Variants in AP3S1 observed in about 807,000 individuals in gnomAD.
AP3S1 encodes the protein AP-3 complex subunit sigma-1.
In AP3S1, 12 loss-of-function variants were observed where a neutral mutation model predicts 21.3. The ratio of observed to expected loss-of-function variants is 0.56; its 90% confidence interval spans 0.36 to 0.91. The LOEUF (loss-of-function observed/expected upper bound fraction) is 0.91, where lower values mean the gene tolerates loss of function less well. AP3S1 is among the 40% of genes least tolerant of loss of function. The pLI is 0.01. For synonymous variants in AP3S1, 48 were observed against 78.4 expected (o/e 0.61, Z 2.05); for missense variants, 116 against 225.0 (o/e 0.52, Z 3.10).
chr5:115,876,909 A>G (rs1357512337), intron 3 of AP3S1, among the ~76,000 whole-genome samples: 1 of 152,180 alleles, frequency 6.6e-6, no homozygotes, highest in African/African-American at 2.4e-5. Flanking sequence ...TACTTGTGAT[A>G]TTTGTGATGA....
chr5:115,870,239 T>C, intron 3 of AP3S1, 111 bp downstream of exon 3: 1 of 645,298 alleles, frequency 1.5e-6, no homozygotes, highest in Non-Finnish European at 2.6e-6. Flanking sequence ...AATAAAGCAT[T>C]TCATAATAGA....
intron 5 of AP3S1, 76 bp downstream of exon 5, chr5:115,903,068 G>C (rs1012228518): frequency 2.1e-5 from 23 of 1,118,862 alleles, no homozygotes; most frequent in Non-Finnish European, 2.6e-5. Context: ...AGTTTTCACT[G>C]TTTGTCCTTC....
intron 3 of AP3S1, among the ~76,000 whole-genome samples, chr5:115,884,837 T>A (rs1749639708): frequency 1.3e-5 from 2 of 152,190 alleles, no homozygotes; most frequent in South Asian, 4.1e-4. Flanking sequence ...TCCTAGTTTC[T>A]GAGGTTATTA....
Position 115,895,156 on chromosome 5 carries a change from A to C in AP3S1, c.343A>C (p.Lys115Gln). The C allele has an allele frequency of 6.2e-7, 1 of 1,600,914 alleles. No homozygotes were observed. The highest frequency in any genetic ancestry group is 8.5e-7 in the Non-Finnish European group (1 of 1,172,578). The change falls in exon 4 of 6, where the codon AAG (lysine) becomes CAG (glutamine). Residue 115 changes from lysine to glutamine, a missense_variant and splice_region_variant. By Grantham distance (53) the Lys-to-Gln change is moderately conservative. Coordinates refer to ENST00000316788, the MANE Select transcript of AP3S1 (RefSeq NM_001284.4). ...CELDLIFHVDKVHNILAEMVM... is the reference protein window; with the variant it reads ...CELDLIFHVDQVHNILAEMVM... Reference sequence around the variant, plus strand: ...GCTGGATTTGATTTTCCATGTAGACAAGGTACTATTTGTATTGTCACATCT... The same window carrying C: ...GCTGGATTTGATTTTCCATGTAGACCAGGTACTATTTGTATTGTCACATCT...
intron 5 of AP3S1, chr5:115,906,743 C>T (rs1751686726): frequency 6.2e-6 from 7 of 1,128,594 alleles, no homozygotes; most frequent in Non-Finnish European, 7.3e-6. Flanking sequence ...AATTTAGTCA[C>T]TACTTTTTGA....
chr5:115,911,117 A>G (rs929960267), intron 5 of AP3S1, among the ~76,000 whole-genome samples: 1 of 152,160 alleles, frequency 6.6e-6, no homozygotes, highest in Non-Finnish European at 1.5e-5. Flanking sequence ...TTAGCAGCCA[A>G]CAGTCGACAC....
chr5:115,856,730 T>A (rs1267116668), intron 1 of AP3S1, among the ~76,000 whole-genome samples: 2 of 152,206 alleles, frequency 1.3e-5, no homozygotes, highest in African/African-American at 4.8e-5. Flanking sequence ...GGCCTCGGCC[T>A]CCCAAAGTGC....
chr5:115,905,928 ATCTGCTCACCTGAGG>A (rs1402760280), intron 5 of AP3S1, among the ~76,000 whole-genome samples: 4 of 152,120 alleles, frequency 2.6e-5, no homozygotes, highest in Non-Finnish European at 5.9e-5. Flanking sequence ...CACTCAGGTG[ATCTGCTCACCTGAGG>A]TCAGGAGTTT....
At chr5:115,874,328 T>G (rs1402137079) in intron 3 of AP3S1, among the ~76,000 whole-genome samples, 1 of 152,116 alleles carries the variant, frequency 6.6e-6, no homozygotes, top group Non-Finnish European at 1.5e-5. Flanking sequence ...ATTGGAAGTG[T>G]TAAAATATTT....
At chr5:115,876,883 T>C (rs2112859102) in intron 3 of AP3S1, among the ~76,000 whole-genome samples, 1 of 152,318 alleles carries the variant, frequency 6.6e-6, no homozygotes, top group East Asian at 1.9e-4. Flanking sequence ...AGGTATATGA[T>C]GTCCATTTGT....
intron 4 of AP3S1, 153 bp downstream of exon 4, chr5:115,895,311 G>A (rs562087761): frequency 3.0e-5 from 16 of 538,048 alleles, no homozygotes; most frequent in Non-Finnish European, 5.1e-5. Context: ...TTTGTGCTTG[G>A]TGGAGAAGAT....
chr5:115,859,482 C>G (rs1763020315), intron 1 of AP3S1, among the ~76,000 whole-genome samples: 1 of 152,208 alleles, frequency 6.6e-6, no homozygotes, highest in African/African-American at 2.4e-5. Flanking sequence ...ATTTGCTGAT[C>G]TTTATGGTAT....
intron 5 of AP3S1, among the ~76,000 whole-genome samples, chr5:115,908,450 T>C (rs1751838068): frequency 6.6e-6 from 1 of 152,180 alleles, no homozygotes; most frequent in African/African-American, 2.4e-5. Context: ...GAGCTGGTTC[T>C]GCCTCTCTAC....
At chr5:115,872,888 C>T (rs202220390) in intron 3 of AP3S1, among the ~76,000 whole-genome samples, 5 of 152,034 alleles carry the variant, frequency 3.3e-5, no homozygotes, top group Non-Finnish European at 7.4e-5. Flanking sequence ...TAATATAGAA[C>T]CATGCTTTCT....
chr5:115,851,579 G>T (rs550856324), intron 1 of AP3S1, among the ~76,000 whole-genome samples: 76 of 152,128 alleles, frequency 5.0e-4, no homozygotes, highest in African/African-American at 1.8e-3. Context: ...GTGCTGTTGT[G>T]GGTCTGTTTG....
At chr5:115,899,559 A>G (rs994391331) in intron 4 of AP3S1, among the ~76,000 whole-genome samples, 3 of 152,190 alleles carry the variant, frequency 2.0e-5, no homozygotes. Context: ...AAGCATTGAG[A>G]TTACAGGTGT....
chr5:115,910,916 T>A (rs1218571448), intron 5 of AP3S1, among the ~76,000 whole-genome samples: 3 of 152,192 alleles, frequency 2.0e-5, no homozygotes, highest in Admixed American at 6.5e-5. Context: ...TTGAACATGC[T>A]TGAGAAATAA....
At chr5:115,871,770 C>T (rs1029197774) in intron 3 of AP3S1, among the ~76,000 whole-genome samples, 14 of 152,102 alleles carry the variant, frequency 9.2e-5, no homozygotes, top group African/African-American at 3.4e-4. Flanking sequence ...ACGCAAGAAT[C>T]ATTTTCTGTT....
intron 3 of AP3S1, among the ~76,000 whole-genome samples, chr5:115,894,077 A>G (rs765198730): frequency 6.6e-6 from 1 of 152,228 alleles, no homozygotes; most frequent in Non-Finnish European, 1.5e-5. Flanking sequence ...AAGTTGCTAT[A>G]TGCATGCTAT....
Sources: gnomAD v4.1 joint callset for allele counts (sites outside exome capture counted in the v4.1 genomes callset) on GRCh38, gnomAD v4.1.1 for gene constraint, MANE v1.5 for transcripts, NCBI Gene and HGNC (gene_info 2026-07-23, HGNC 2026-07-21) for gene names.